Variants in PCDHGB7 observed in about 807,000 individuals in gnomAD.
PCDHGB7 encodes the protein protocadherin gamma-B7.
PCDHGB7 carries 37 observed loss-of-function variants against 61.4 expected under a neutral mutation model. That is an observed-to-expected ratio of 0.60 (90% CI 0.46 to 0.79). The LOEUF is 0.79. Ranked by LOEUF, PCDHGB7 falls within the 30% of genes least tolerant of loss-of-function variation. PCDHGB7 has a pLI of 0.00. For missense variants in PCDHGB7, 1,166 were observed against 1,202.5 expected (o/e 0.97, Z 0.45); for synonymous variants, 464 against 503.5 (o/e 0.92, Z 1.05).
intron 1 of PCDHGB7, among the ~76,000 whole-genome samples, chr5:141,434,982 A>G (rs908716553): frequency 3.3e-5 from 5 of 152,084 alleles, no homozygotes; most frequent in East Asian, 1.9e-4. Flanking sequence ...TTAATACTCT[A>G]TATCATTTTC....
At chr5:141,447,263 C>A (rs953578064) in intron 1 of PCDHGB7, among the ~76,000 whole-genome samples, 1 of 152,116 alleles carries the variant, frequency 6.6e-6, no homozygotes, top group Non-Finnish European at 1.5e-5. Context: ...TCTCAGCCTC[C>A]CAAGTAGCTG....
rs143168452 is a variant in PCDHGB7 at position 141,504,127 on chromosome 5, C to T, written c.2475-1266C>T. Among the ~76,000 whole-genome samples the T allele has an allele frequency of 1.3e-3, 195 of 152,220 alleles. 2 individuals carry two copies. The highest frequency in any genetic ancestry group is 4.4e-3 in the African/African-American group (181 of 41,520). On this transcript the variant is annotated intron_variant, in intron 2 of 3. Transcript: ENST00000398594. ...CTGTGTGTGTGCCAGGGCTGTTTCC[C>T]GCCAACACTCCCCTGCAAATTGAAA...
At chr5:141,450,986 G>A (rs950903600) in intron 1 of PCDHGB7, among the ~76,000 whole-genome samples, 15 of 151,310 alleles carry the variant, frequency 9.9e-5, no homozygotes, top group Non-Finnish European at 1.3e-4. Context: ...CACCACACCC[G>A]GCTAATTTTT....
At position 141,417,888 on chromosome 5, in the gene PCDHGB7, G is replaced by T. The variant is rs1406210540; in HGVS notation, c.29G>T (p.Arg10Leu). The change falls in exon 1 of 4, where the codon CGG (arginine) becomes CTG (leucine). Residue 10 changes from arginine (R) to leucine (L), a missense_variant. By Grantham distance (102) the Arg-to-Leu change is moderately radical (BLOSUM62 -2). Coordinates refer to ENST00000398594, the MANE Select transcript of PCDHGB7 (RefSeq NM_018927.4). ...GGAGGGAGCTGCGCGCAGAGGCGCC[G>T]GGCCGGCCCGCGGCAGGTACTATTT... MGGSCAQRRRAGPRQVLFPL... is the reference protein window; with the variant it reads MGGSCAQRRLAGPRQVLFPL... 1 of 1,566,768 alleles carries T rather than the reference G, an allele frequency of 6.4e-7. No homozygotes were observed. Among genetic ancestry groups the T allele is most frequent in the Middle Eastern group, 1.7e-4 (1 of 5,994 alleles).
intron 1 of PCDHGB7, chr5:141,421,945 A>T: frequency 2.5e-6 from 4 of 1,613,342 alleles, no homozygotes; most frequent in Non-Finnish European, 3.4e-6. Context: ...AAATGATCAC[A>T]TCCCAATGTT....
rs756706355 is a variant in PCDHGB7 at position 141,486,950 on chromosome 5, G to C, written c.2416-7857G>C. 6.2e-7 allele frequency: 1 copy of C among 1,614,202 alleles called. No homozygotes were observed. Among genetic ancestry groups the C allele is most frequent in the East Asian group, 2.2e-5 (1 of 44,876 alleles). On this transcript the variant is annotated intron_variant, in intron 1 of 3. Coordinates refer to ENST00000398594, the MANE Select transcript of PCDHGB7 (RefSeq NM_018927.4). The surrounding 1 kb of genome is among the most constrained non-coding windows in gnomAD (Gnocchi z 5.0). ...TGGTGCTGGCCACCTAATCACAAAG[G>C]TGACTGCTGTGGACTTGGATTCAGG...
chr5:141,454,842 C>T lies in PCDHGB7; in HGVS notation c.2415+34568C>T, dbSNP rs543795114. 1.2e-4 allele frequency among the ~76,000 whole-genome samples: 12 copies of T among 101,680 alleles called. No homozygotes were observed. The East Asian group carries it at 3.9e-3, about 33-fold the overall frequency. 66.7% of individuals were successfully genotyped at this position (101,680 alleles called of 152,430 possible). ...TTTTTTTTTGAGACAGAGTCGCGCTCTGTCACCCAGGCTGGAGTGCAGTGG... is the reference window on the plus strand; with the variant it reads ...TTTTTTTTTGAGACAGAGTCGCGCTTTGTCACCCAGGCTGGAGTGCAGTGG... On this transcript the variant is annotated intron_variant, in intron 1 of 3. Coordinates refer to ENST00000398594, the MANE Select transcript of PCDHGB7 (RefSeq NM_018927.4).
intron 1 of PCDHGB7, among the ~76,000 whole-genome samples, chr5:141,457,694 C>G (rs891323419): frequency 6.6e-6 from 1 of 152,214 alleles, no homozygotes; most frequent in Non-Finnish European, 1.5e-5. Flanking sequence ...TTTGGATTGG[C>G]TTTGATGAAA....
At chr5:141,494,638 A>G (rs2099755799) in intron 1 of PCDHGB7, 169 bp from the exon 2 acceptor site, 1 of 896,388 alleles carries the variant, frequency 1.1e-6, no homozygotes, top group African/African-American at 1.8e-5. Context: ...GACCTCTGAG[A>G]CCTGAGGTGT....
rs192747939 is a variant in PCDHGB7 at position 141,487,483 on chromosome 5, T to C, written c.2416-7324T>C. 12 of 1,614,224 alleles carry C rather than the reference T, an allele frequency of 7.4e-6. No individual in the cohort carries two copies. In the Admixed American group the frequency reaches 1.8e-4, roughly 25 times the overall value. On this transcript the variant is annotated intron_variant, in intron 1 of 3. Coordinates refer to ENST00000398594, the MANE Select transcript of PCDHGB7 (RefSeq NM_018927.4). This position sits in a 1 kb window ranked among gnomAD's most constrained non-coding sequence, Gnocchi z 5.0. ...TTGTTGATGTGGGAGGCCACTCTCA[T>C]GGCTGTACACCCTTGGCTTCTGCAC... is the stretch of plus-strand genomic sequence containing the variant.
chr5:141,423,674 C>G (rs57195665), intron 1 of PCDHGB7: 15 of 1,514,742 alleles, frequency 9.9e-6, no homozygotes, highest in African/African-American at 2.9e-5. Flanking sequence ...AGATTTATTT[C>G]TCTGCCTCCT....
chr5:141,419,373 TGTCC>T lies in PCDHGB7; in HGVS notation c.1517_1520del (p.Ser506Ter), dbSNP rs761256298. ...GAGTCACGAACGCTGTCGTCCTACG[TGTCC>T]GTGAGCGCGCAGAGCGGGGTGGTGT... On this transcript the variant is annotated frameshift_variant, in exon 1 of 4. Coordinates refer to ENST00000398594, the MANE Select transcript of PCDHGB7 (RefSeq NM_018927.4). LOFTEE classifies it high-confidence loss of function. 6.2e-7 allele frequency: 1 copy of T among 1,613,754 alleles called. No homozygotes were observed. Among genetic ancestry groups the T allele is most frequent in the South Asian group, 1.1e-5 (1 of 91,084 alleles).
At chr5:141,462,314 A>C (rs1283684392) in intron 1 of PCDHGB7, among the ~76,000 whole-genome samples, 1 of 152,186 alleles carries the variant, frequency 6.6e-6, no homozygotes, top group Non-Finnish European at 1.5e-5. Flanking sequence ...TATATTTGTC[A>C]CTGATTTCTA....
At chr5:141,433,377 A>ATCTG (rs1300427377) in intron 1 of PCDHGB7, among the ~76,000 whole-genome samples, 1 of 150,958 alleles carries the variant, frequency 6.6e-6, no homozygotes, top group Non-Finnish European at 1.5e-5. Context: ...CTATCTATCT[A>ATCTG]TCTATCTATC....
intron 1 of PCDHGB7, chr5:141,423,903 AG>A: frequency 7.8e-7 from 1 of 1,276,130 alleles, no homozygotes. Context: ...TTGATTTCAA[AG>A]GGGCCATTCA....
intron 1 of PCDHGB7, chr5:141,421,347 C>G: frequency 6.2e-7 from 1 of 1,613,948 alleles, no homozygotes; most frequent in Non-Finnish European, 8.5e-7. Flanking sequence ...CAGAAGAGAC[C>G]GAAAAGGGCT....
chr5:141,482,546 A>G (rs1489817593), intron 1 of PCDHGB7, among the ~76,000 whole-genome samples: 1 of 151,868 alleles, frequency 6.6e-6, no homozygotes, highest in Non-Finnish European at 1.5e-5. Context: ...AAAAAAAAAA[A>G]AAAGATAATG....
Position 141,432,473 on chromosome 5 carries a change from T to G in PCDHGB7, c.2415+12199T>G. On this transcript the variant is annotated intron_variant, in intron 1 of 3. Coordinates refer to ENST00000398594, the MANE Select transcript of PCDHGB7 (RefSeq NM_018927.4). The surrounding 1 kb of genome is among the most constrained non-coding windows in gnomAD (Gnocchi z 6.0). ...GTACCCCGCCCTCCCCACGGACGGT[T>G]CCACTGGCGTGGAGCTGGCTCCCCG... 1 of 1,614,180 alleles carries G rather than the reference T, an allele frequency of 6.2e-7. No individual in the cohort carries two copies. The highest frequency in any genetic ancestry group is 1.1e-5 in the South Asian group (1 of 91,078).
intron 1 of PCDHGB7, among the ~76,000 whole-genome samples, chr5:141,463,073 C>G (rs911706393): frequency 6.6e-6 from 1 of 152,110 alleles, no homozygotes; most frequent in African/African-American, 2.4e-5. Flanking sequence ...AAATGAAATT[C>G]AAACATTTTC....
Sources: allele counts gnomAD v4.1 joint callset (sites outside exome capture counted in the v4.1 genomes callset), GRCh38; gene constraint gnomAD v4.1.1; non-coding constraint Gnocchi (gnomAD v3.1); transcripts MANE v1.5; gene names NCBI Gene and HGNC (gene_info 2026-07-23, HGNC 2026-07-21).